RGPD2: variants seen among roughly 807,000 people sequenced by gnomAD.
RGPD2 encodes the protein RANBP2 like and GRIP domain containing 2, also known as RANBP2-like and GRIP domain-containing protein 2.
A neutral mutation model predicts 36.0 loss-of-function variants in RGPD2; 2 were observed. The observed-to-expected ratio is 0.06, with a 90% confidence interval of 0.02 to 0.17. RGPD2 has a LOEUF of 0.17. Among genes scored for constraint, RGPD2 ranks in the 10% least tolerant of loss-of-function variants. The pLI, the probability that RGPD2 is intolerant of heterozygous loss-of-function variation, is 1.00. For synonymous variants in RGPD2, 19 were observed against 163.8 expected (o/e 0.12, Z 6.75); for missense variants, 40 against 464.3 (o/e 0.09, Z 8.40).
At chr2:87,927,786 A>G in the RGPD2 span, among the ~76,000 whole-genome samples, 2 of 151,252 alleles carry the variant, frequency 1.3e-5, no homozygotes, top group East Asian at 3.9e-4. Flanking sequence ...AGTTCCTGAG[A>G]ATTTTCACTG....
the RGPD2 span, among the ~76,000 whole-genome samples, chr2:87,853,653 A>G: frequency 6.6e-6 from 1 of 151,324 alleles, no homozygotes; most frequent in African/African-American, 2.4e-5. Context: ...TTTATATAAA[A>G]TCCTGTCCCT....
chr2:87,959,100 A>G, the RGPD2 span, among the ~76,000 whole-genome samples: 214 of 20,130 alleles, frequency 0.011, 26 homozygotes, highest in African/African-American at 0.019. Flanking sequence ...GCCACCTTGA[A>G]ACCACAGAAT....
chr2:87,914,594 A>G, the RGPD2 span, among the ~76,000 whole-genome samples: 24 of 76,914 alleles, frequency 3.1e-4, no homozygotes, highest in African/African-American at 1.5e-3. Context: ...TTTGCTAGAA[A>G]AGAGTATGAA....
intron 1 of RGPD2, chr2:87,824,797 CGCCGCCGCCGCCGCCCGGCCAGGCCGAG>C (rs1686596775): frequency 8.5e-6 from 1 of 116,972 alleles, no homozygotes; most frequent in Non-Finnish European, 1.8e-5. Context: ...AGGCCGAGGC[CGCCGCCGCCGCCGCCCGGCCAGGCCGAG>C]GCCGCCGCCG....
the RGPD2 span, among the ~76,000 whole-genome samples, chr2:87,855,183 T>A: frequency 6.6e-6 from 1 of 152,030 alleles, no homozygotes; most frequent in Non-Finnish European, 1.5e-5. Context: ...TATCTCCACA[T>A]TTCCCTTAGG....
the RGPD2 span, among the ~76,000 whole-genome samples, chr2:87,986,268 G>A: frequency 1.8e-4 from 27 of 150,704 alleles, no homozygotes; most frequent in Middle Eastern, 3.4e-3. Context: ...CCAAGTAGCC[G>A]GGATTACAGG....
chr2:87,984,265 G>A, the RGPD2 span, among the ~76,000 whole-genome samples: 3 of 152,168 alleles, frequency 2.0e-5, no homozygotes, highest in Non-Finnish European at 2.9e-5. Context: ...AATGGCACCG[G>A]CGAACCCCTT....
At chr2:87,884,724 T>C in the RGPD2 span, among the ~76,000 whole-genome samples, 1 of 151,826 alleles carries the variant, frequency 6.6e-6, no homozygotes, top group Non-Finnish European at 1.5e-5. Context: ...GGCATATAAC[T>C]TACTAAGACT....
At chr2:87,840,161 G>A in the RGPD2 span, among the ~76,000 whole-genome samples, 1,060 of 133,184 alleles carry the variant, frequency 8.0e-3, 13 homozygotes, top group African/African-American at 0.029. Flanking sequence ...TTCTAATCCA[G>A]TGACTGGTGT....
chr2:87,916,790 C>A, the RGPD2 span, among the ~76,000 whole-genome samples: 4 of 150,754 alleles, frequency 2.7e-5, 1 homozygote, highest in Admixed American at 6.6e-5. Flanking sequence ...GCCAATTAAA[C>A]CTCTTTTCTT....
At chr2:87,932,282 G>T in the RGPD2 span, among the ~76,000 whole-genome samples, 1 of 90,942 alleles carries the variant, frequency 1.1e-5, no homozygotes, top group African/African-American at 4.4e-5. Flanking sequence ...TTTTTTTTCT[G>T]TTTTTCCTGT....
At chr2:87,910,643 T>C in the RGPD2 span, among the ~76,000 whole-genome samples, 1 of 152,058 alleles carries the variant, frequency 6.6e-6, no homozygotes, top group South Asian at 2.1e-4. Flanking sequence ...TAACCACAAA[T>C]TGAAAATATT....
chr2:87,825,499 A>C (rs1269520728), intron 1 of RGPD2, among the ~76,000 whole-genome samples, 159 bp downstream of exon 1: 1 of 43,466 alleles, frequency 2.3e-5, no homozygotes, highest in African/African-American at 9.5e-5. Flanking sequence ...CGCCCGGCCG[A>C]GGCCGAGGCC....
chr2:87,945,053 T>C, the RGPD2 span, among the ~76,000 whole-genome samples: 2 of 151,924 alleles, frequency 1.3e-5, no homozygotes, highest in African/African-American at 4.8e-5. Context: ...ATTCACATTG[T>C]TGTATAACCT....
At chr2:87,866,523 G>A in the RGPD2 span, among the ~76,000 whole-genome samples, 1 of 152,134 alleles carries the variant, frequency 6.6e-6, no homozygotes, top group Non-Finnish European at 1.5e-5. Flanking sequence ...GGTAAAATGA[G>A]TGTTTGGCCT....
the RGPD2 span, among the ~76,000 whole-genome samples, chr2:87,869,908 C>T: frequency 6.6e-6 from 1 of 152,236 alleles, no homozygotes; most frequent in Non-Finnish European, 1.5e-5. Context: ...TTTTTCATTA[C>T]ACCTTGTTCT....
upstream of RGPD2, among the ~76,000 whole-genome samples, chr2:87,829,634 G>A (rs1053192262): frequency 5.9e-5 from 9 of 151,628 alleles, no homozygotes; most frequent in Non-Finnish European, 8.8e-5. Context: ...GCAGAGGAAC[G>A]GCCCTTTATA....
chr2:87,860,757 C>T, the RGPD2 span, among the ~76,000 whole-genome samples: 1 of 152,168 alleles, frequency 6.6e-6, no homozygotes, highest in Non-Finnish European at 1.5e-5. Context: ...TATGCATAGA[C>T]ACATCCGTGC....
At chr2:87,890,278 ATG>A in the RGPD2 span, among the ~76,000 whole-genome samples, 1 of 134,844 alleles carries the variant, frequency 7.4e-6, no homozygotes, top group East Asian at 2.1e-4. Context: ...AAAAAGTATT[ATG>A]AAAGATGGTA....
Sources: allele counts gnomAD v4.1 joint callset (sites outside exome capture counted in the v4.1 genomes callset), GRCh38; gene constraint gnomAD v4.1.1; transcripts MANE v1.5; gene names NCBI Gene and HGNC (gene_info 2026-07-23, HGNC 2026-07-21).